The following CELF6 variants were observed in gnomAD, a reference collection of about 807,000 sequenced individuals.
The protein encoded by CELF6 is Bruno -like 6, RNA binding protein.
A neutral mutation model predicts 53.1 loss-of-function variants in CELF6; 32 were observed. The ratio of observed to expected loss-of-function variants is 0.60; its 90% CI spans 0.46 to 0.81. The LOEUF (loss-of-function observed/expected upper bound fraction) is 0.81, where lower values mean the gene tolerates loss of function less well. CELF6 is among the 30% of genes least tolerant of loss of function. CELF6 has a pLI of 0.00. For synonymous variants in CELF6, 291 were observed against 288.8 expected, an observed-to-expected ratio of 1.01 and a Z score of -0.08; for missense variants, 539 against 669.5, an observed-to-expected ratio of 0.81 and a Z score of 2.15.
At position 72,288,649 on chromosome 15, in the gene CELF6, C is replaced by A; in HGVS notation, c.1094-31G>T. 1.3e-6 allele frequency: 2 copies of A among 1,543,112 alleles called. No individual in the cohort carries two copies. Among genetic ancestry groups the A allele is most frequent in the Non-Finnish European group, 1.8e-6 (2 of 1,141,960 alleles). On this transcript the variant is annotated intron_variant, in intron 9 of 12. Coordinates refer to ENST00000287202, the MANE Select transcript of CELF6 (RefSeq NM_052840.5). This position sits in a 1 kb window ranked among gnomAD's most constrained non-coding sequence, Gnocchi z 4.6. ...GACAGAGGTGGGAGTGGACAGTGAT[C>A]CCCAGGAGCCCTTCCCCAAGCAGGG...
chr15:72,293,333 G>A (rs975190222), intron 3 of CELF6, among the ~76,000 whole-genome samples: 20 of 152,230 alleles, frequency 1.3e-4, no homozygotes, highest in Admixed American at 6.5e-4. Context: ...CAGTAGCCCC[G>A]CAAACCCACA....
chr15:72,308,168 T>C (rs1312379288), intron 2 of CELF6, among the ~76,000 whole-genome samples: 1 of 152,218 alleles, frequency 6.6e-6, no homozygotes, highest in Non-Finnish European at 1.5e-5. Flanking sequence ...AGCGTTGTGA[T>C]GAAAATGACA....
At chr15:72,313,866 G>T in intron 2 of CELF6, 2 of 391,824 alleles carry the variant, frequency 5.1e-6, no homozygotes, top group Non-Finnish European at 7.0e-6. Flanking sequence ...CATATCGAGT[G>T]CTTATTTTCT....
intron 2 of CELF6, among the ~76,000 whole-genome samples, chr15:72,310,593 ACCCTCC>A (rs1431972293): frequency 6.6e-6 from 1 of 150,600 alleles, no homozygotes; most frequent in Non-Finnish European, 1.5e-5. Context: ...GGCTCAAGCA[ACCCTCC>A]CACCTCAGCC....
chr15:72,285,364 C>T lies in CELF6; in HGVS notation c.*1007G>A, dbSNP rs1392745874. 6.6e-6 allele frequency: 1 copy of T among 152,518 alleles called. No individual in the cohort carries two copies. Among genetic ancestry groups the T allele is most frequent in the East Asian group, 1.9e-4 (1 of 5,206 alleles). 9.4% of individuals were successfully genotyped at this position (152,518 alleles called of 1,614,324 possible). A position where few individuals can be genotyped will look rare whatever the true frequency, so the allele number is the denominator to read the frequency against. The stretch of plus-strand genomic sequence containing the variant: ...CCAAGTCTGTTGTCACAGCCCTCTA[C>T]AGATATCCTGAATCTACTTTACAGG... On this transcript the variant is annotated 3_prime_UTR_variant, in exon 13 of 13. Coordinates refer to ENST00000287202, the MANE Select transcript of CELF6 (RefSeq NM_052840.5).
intron 3 of CELF6, among the ~76,000 whole-genome samples, chr15:72,296,488 T>C (rs1167937159): frequency 2.0e-5 from 3 of 152,076 alleles, no homozygotes; most frequent in Non-Finnish European, 2.9e-5. Flanking sequence ...AAAAGCAACC[T>C]CTGGAATGGG....
intron 3 of CELF6, among the ~76,000 whole-genome samples, chr15:72,295,590 G>A (rs755453192): frequency 2.6e-4 from 39 of 151,612 alleles, no homozygotes; most frequent in South Asian, 1.0e-3. Context: ...TTAGCTGGGC[G>A]TGGTGGTGGG....
intron 3 of CELF6, among the ~76,000 whole-genome samples, chr15:72,296,115 G>A (rs78510063): frequency 0.16 from 23,631 of 152,144 alleles, 3,905 homozygotes; most frequent in African/African-American, 0.41. Flanking sequence ...GGGAGGCAAG[G>A]TCATTCAATA....
chr15:72,301,008 G>A (rs1219977842), intron 3 of CELF6, among the ~76,000 whole-genome samples: 4 of 151,466 alleles, frequency 2.6e-5, no homozygotes, highest in African/African-American at 7.3e-5. Flanking sequence ...TTTTAAGACA[G>A]GGTCTCATTC....
Position 72,319,683 on chromosome 15 carries a change from C to T in CELF6, c.192G>A (p.Pro64=). The part of the protein sequence containing the change: ...PRGLDEQDLK[P]LFEEFGRIYE... ...AGATGCGGCCGAACTCCTCGAACAG[C>T]GGCTTGAGGTCCTGCTCGTCCAAGC... Residue 64 remains proline, a synonymous_variant, in exon 1 of 13, where the codon CCG becomes CCA. Transcript: ENST00000287202. This position sits in a 1 kb window ranked among gnomAD's most constrained non-coding sequence, Gnocchi z 5.0. 1 of 1,588,540 alleles carries T rather than the reference C, an allele frequency of 6.3e-7. No individual in the cohort carries two copies. The highest frequency in any genetic ancestry group is 8.6e-7 in the Non-Finnish European group (1 of 1,167,280).
intron 3 of CELF6, among the ~76,000 whole-genome samples, chr15:72,304,393 T>C (rs555642202): frequency 3.9e-5 from 6 of 152,102 alleles, no homozygotes; most frequent in African/African-American, 1.2e-4. Flanking sequence ...AGAAGGAGAA[T>C]AACCCCCACC....
At chr15:72,308,475 C>T (rs1190989740) in intron 2 of CELF6, among the ~76,000 whole-genome samples, 1 of 152,114 alleles carries the variant, frequency 6.6e-6, no homozygotes, top group African/African-American at 2.4e-5. Flanking sequence ...GATCTGCCTG[C>T]CTCGGCCTCC....
In CELF6 at chr15:72,288,715, C is replaced by A; in HGVS notation, c.1094-97G>T. ...CGCTTTTGACCAATTCAGCCCAGTC[C>A]ACCATAACCCTCACCCCAAGAGAGG... is the stretch of plus-strand genomic sequence containing the variant. On this transcript the variant is annotated intron_variant, in intron 9 of 12. Coordinates refer to ENST00000287202, the MANE Select transcript of CELF6 (RefSeq NM_052840.5). The surrounding 1 kb of genome is among the most constrained non-coding windows in gnomAD (Gnocchi z 4.6). 7.2e-7 allele frequency: 1 copy of A among 1,386,006 alleles called. No homozygotes were observed. Among genetic ancestry groups the A allele is most frequent in the East Asian group, 2.4e-5 (1 of 42,302 alleles). The allele number at this position is 1,386,006 out of a possible 1,614,324, so 85.9% of individuals were successfully genotyped here.
intron 2 of CELF6, among the ~76,000 whole-genome samples, chr15:72,314,911 T>G (rs1274241050): frequency 6.6e-6 from 1 of 152,118 alleles, no homozygotes; most frequent in East Asian, 1.9e-4. Context: ...ACCAGTATTT[T>G]TAATTATTAG....
chr15:72,289,345 C>G lies in CELF6; in HGVS notation c.880+30G>C. The G allele has an allele frequency of 6.5e-7, 1 of 1,540,768 alleles. No homozygotes were observed. Among genetic ancestry groups the G allele is most frequent in the Non-Finnish European group, 8.7e-7 (1 of 1,150,690 alleles). On this transcript the variant is annotated intron_variant, in intron 7 of 12. Transcript: ENST00000287202. The surrounding 1 kb of genome is among the most constrained non-coding windows in gnomAD (Gnocchi z 7.6). Reference sequence around the variant, plus strand: ...CCACCCCGCCCCGCCCGGCCCCTCCCAGGCGCGCCCCAGTCCCTGGGGGCC... The same window carrying G: ...CCACCCCGCCCCGCCCGGCCCCTCCGAGGCGCGCCCCAGTCCCTGGGGGCC...
At position 72,289,494 on chromosome 15, in the gene CELF6, T is replaced by C; in HGVS notation, c.761A>G (p.Gln254Arg). 1 of 1,523,990 alleles carries C rather than the reference T, an allele frequency of 6.6e-7. No individual in the cohort carries two copies. The allele number at this position is 1,523,990 out of a possible 1,614,324, so 94.4% of individuals were successfully genotyped here. A position where few individuals can be genotyped will look rare whatever the true frequency, so the allele number is the denominator to read the frequency against. The change falls in exon 7 of 13, where the codon CAG becomes CGG. Residue 254 changes from glutamine to arginine, a missense_variant. Gln to Arg is a conservative substitution (Grantham distance 43). Transcript: ENST00000287202. This position sits in a 1 kb window ranked among gnomAD's most constrained non-coding sequence, Gnocchi z 7.6. ...GAYTTAILQH[Q>R]AALLAAAQGP... ...CTGTGCCGCCGCCAGCAGGGCCGCCTGGTGCTGCAGGATCTTTGAGAGGAA... is the reference window on the plus strand; with the variant it reads ...CTGTGCCGCCGCCAGCAGGGCCGCCCGGTGCTGCAGGATCTTTGAGAGGAA...
chr15:72,287,531 A>G (rs1416537719), intron 11 of CELF6, 139 bp from the exon 12 acceptor site: 2 of 940,800 alleles, frequency 2.1e-6, no homozygotes, highest in Non-Finnish European at 3.2e-6. Context: ...GTGTGGATAC[A>G]GAGTCATAGG....
intron 12 of CELF6, 70 bp from the exon 13 acceptor site, chr15:72,286,412 C>T (rs1333512463): frequency 6.6e-6 from 1 of 152,654 alleles, no homozygotes; most frequent in African/African-American, 2.4e-5. Context: ...GAGGGCAAGA[C>T]CAGAAGAGCA....
At chr15:72,302,532 A>G (rs1010733103) in intron 3 of CELF6, among the ~76,000 whole-genome samples, 1 of 152,204 alleles carries the variant, frequency 6.6e-6, no homozygotes, top group Non-Finnish European at 1.5e-5. Flanking sequence ...GTGGAAAGAA[A>G]ATTCTACAAC....
Sources: allele counts gnomAD v4.1 joint callset (sites outside exome capture counted in the v4.1 genomes callset), GRCh38; gene constraint gnomAD v4.1.1; non-coding constraint Gnocchi (gnomAD v3.1); transcripts MANE v1.5; gene names NCBI Gene and HGNC (gene_info 2026-07-23, HGNC 2026-07-21).